The following PTPRG variants were observed in gnomAD, a reference collection of about 807,000 sequenced individuals.
PTPRG encodes protein tyrosine phosphatase receptor type G.
Under a neutral mutation model 165.3 loss-of-function variants are expected in PTPRG, and 102 were observed. The ratio of observed to expected loss-of-function variants is 0.62; its 90% CI spans 0.53 to 0.73. PTPRG has a LOEUF of 0.73. Ranked by LOEUF, PTPRG falls within the 30% of genes least tolerant of loss-of-function variation. PTPRG has a pLI of 0.00. For synonymous variants in PTPRG, 675 were observed against 669.5 expected (o/e 1.01, Z -0.13); for missense variants, 1,866 against 1,861.4 (o/e 1.00, Z -0.05).
At chr3:62,013,354 C>G (rs997076566) in intron 4 of PTPRG, among the ~76,000 whole-genome samples, 5 of 152,100 alleles carry the variant, frequency 3.3e-5, no homozygotes, top group Admixed American at 3.3e-4. Context: ...ACATGAGAGA[C>G]TAACAAATTC....
At chr3:61,665,640 C>T (rs1271327545) in intron 1 of PTPRG, among the ~76,000 whole-genome samples, 1 of 151,908 alleles carries the variant, frequency 6.6e-6, no homozygotes, top group Non-Finnish European at 1.5e-5. Flanking sequence ...GCTAGGCAAC[C>T]TAGTGAGACC....
chr3:61,676,670 C>T (rs1324589185), intron 1 of PTPRG, among the ~76,000 whole-genome samples: 4 of 151,852 alleles, frequency 2.6e-5, no homozygotes, highest in Non-Finnish European at 2.9e-5. Flanking sequence ...AGACATCTAT[C>T]GGGAAATGGA....
intron 2 of PTPRG, among the ~76,000 whole-genome samples, chr3:61,822,213 G>T (rs942678029): frequency 6.6e-5 from 10 of 152,200 alleles, no homozygotes; most frequent in African/African-American, 2.4e-4. Flanking sequence ...TTCTGTGTCT[G>T]TTTTTAATTG....
At chr3:61,638,408 C>G (rs1701974662) in intron 1 of PTPRG, among the ~76,000 whole-genome samples, 1 of 151,832 alleles carries the variant, frequency 6.6e-6, no homozygotes, top group African/African-American at 2.4e-5. Flanking sequence ...TGTACCAAAC[C>G]CAACAAACAT....
At chr3:61,939,988 A>G (rs536907870) in intron 2 of PTPRG, among the ~76,000 whole-genome samples, 162 of 106,660 alleles carry the variant, frequency 1.5e-3, no homozygotes, top group African/African-American at 5.5e-3. Flanking sequence ...TCTGTTGCCC[A>G]GGCTGGAGTA....
In PTPRG at chr3:61,989,556, C is replaced by T; in HGVS notation, c.191-69C>T. 1.4e-6 allele frequency: 2 copies of T among 1,472,604 alleles called. 1 individual carries two copies. The highest frequency in any genetic ancestry group is 2.7e-5 in the South Asian group (2 of 74,550). 91.2% of individuals were successfully genotyped at this position (1,472,604 alleles called of 1,614,324 possible). On this transcript the variant is annotated intron_variant, in intron 2 of 29. Transcript: ENST00000474889. ...TGTTGAGAGATGCAGTGCTCAGCTT[C>T]CTAAGATTTATTCATTTCATCCCTG...
At chr3:61,729,374 T>G (rs900881782) in intron 1 of PTPRG, among the ~76,000 whole-genome samples, 2 of 152,202 alleles carry the variant, frequency 1.3e-5, no homozygotes, top group African/African-American at 4.8e-5. Flanking sequence ...GGCAACTGAT[T>G]GACATTTAAA....
At chr3:62,161,424 T>A (rs1336426834) in intron 7 of PTPRG, among the ~76,000 whole-genome samples, 1 of 152,236 alleles carries the variant, frequency 6.6e-6, no homozygotes, top group Admixed American at 6.5e-5. Context: ...TCACTGCAAA[T>A]GTAGGGCTAG....
chr3:62,064,568 C>T (rs996781613), intron 4 of PTPRG, among the ~76,000 whole-genome samples: 1 of 151,962 alleles, frequency 6.6e-6, no homozygotes, highest in Non-Finnish European at 1.5e-5. Context: ...CTGATGCCAT[C>T]GATGGTGGGG....
intron 2 of PTPRG, among the ~76,000 whole-genome samples, chr3:61,926,399 A>G (rs1452671925): frequency 6.6e-6 from 1 of 151,022 alleles, no homozygotes; most frequent in Non-Finnish European, 1.5e-5. Context: ...TCTTGCTCCT[A>G]CTCCAGCCAT....
At chr3:61,876,220 G>C (rs1002729059) in intron 2 of PTPRG, among the ~76,000 whole-genome samples, 2 of 152,170 alleles carry the variant, frequency 1.3e-5, no homozygotes, top group Non-Finnish European at 2.9e-5. Context: ...TACAGTAAGT[G>C]ATCTGTACTC....
At chr3:61,973,837 TA>T (rs1300096546) in intron 2 of PTPRG, among the ~76,000 whole-genome samples, 2 of 50,792 alleles carry the variant, frequency 3.9e-5, no homozygotes, top group Non-Finnish European at 8.0e-5. Flanking sequence ...CATTTCAAAA[TA>T]AATAAATAAA....
At chr3:62,153,634 T>C (rs932896502) in intron 6 of PTPRG, among the ~76,000 whole-genome samples, 1 of 152,172 alleles carries the variant, frequency 6.6e-6, no homozygotes, top group African/African-American at 2.4e-5. Context: ...AGAGGAATAA[T>C]AGTAAAAGTA....
intron 2 of PTPRG, among the ~76,000 whole-genome samples, chr3:61,983,052 G>T (rs2040676761): frequency 6.6e-6 from 1 of 152,072 alleles, no homozygotes; most frequent in Non-Finnish European, 1.5e-5. Flanking sequence ...TTCTTAACTG[G>T]TTTAAAATTT....
At chr3:61,582,962 A>C (rs1255573450) in intron 1 of PTPRG, among the ~76,000 whole-genome samples, 2 of 152,212 alleles carry the variant, frequency 1.3e-5, no homozygotes, top group African/African-American at 4.8e-5. Context: ...ATAATGAGAT[A>C]AGATACCTTC....
At chr3:62,202,936 C>T (rs889053458) in intron 11 of PTPRG, among the ~76,000 whole-genome samples, 8 of 152,084 alleles carry the variant, frequency 5.3e-5, no homozygotes, top group African/African-American at 1.9e-4. Flanking sequence ...TGAGTTTGAT[C>T]GACTAGTTAT....
chr3:61,689,887 A>T (rs2030065633), intron 1 of PTPRG, among the ~76,000 whole-genome samples: 1 of 152,200 alleles, frequency 6.6e-6, no homozygotes, highest in Non-Finnish European at 1.5e-5. Flanking sequence ...TTCCTACTAG[A>T]CGCATTTTGG....
chr3:61,786,274 A>C (rs993486429), intron 2 of PTPRG, among the ~76,000 whole-genome samples: 3 of 152,172 alleles, frequency 2.0e-5, no homozygotes, highest in African/African-American at 7.2e-5. Flanking sequence ...AATTCATTTT[A>C]TTCTTCTTCT....
At chr3:61,817,354 G>T (rs960120070) in intron 2 of PTPRG, among the ~76,000 whole-genome samples, 2 of 147,554 alleles carry the variant, frequency 1.4e-5, no homozygotes, top group African/African-American at 5.0e-5. Context: ...TTTTATTTTG[G>T]GGGGAGTTGG....
Sources: gnomAD v4.1 joint callset for allele counts (sites outside exome capture counted in the v4.1 genomes callset) on GRCh38, gnomAD v4.1.1 for gene constraint, MANE v1.5 for transcripts, NCBI Gene and HGNC (gene_info 2026-07-23, HGNC 2026-07-21) for gene names.